TMEM117: variants seen among roughly 807,000 people sequenced by gnomAD.
The protein encoded by TMEM117 is transmembrane protein 117.
Under a neutral mutation model 52.4 loss-of-function variants are expected in TMEM117, and 27 were observed. The ratio of observed to expected loss-of-function variants is 0.51; its 90% CI spans 0.38 to 0.71. The LOEUF (loss-of-function observed/expected upper bound fraction) is 0.71, where lower values mean the gene tolerates loss of function less well. TMEM117 is among the 30% of genes least tolerant of loss of function. The pLI, the probability that TMEM117 is intolerant of heterozygous loss-of-function variation, is 0.00. For synonymous variants in TMEM117, 215 were observed against 206.3 expected (o/e 1.04, Z -0.36); for missense variants, 556 against 630.5 (o/e 0.88, Z 1.26).
chr12:44,032,601 C>T (rs914114648), intron 3 of TMEM117, among the ~76,000 whole-genome samples: 2 of 152,114 alleles, frequency 1.3e-5, no homozygotes, highest in Non-Finnish European at 2.9e-5. Context: ...ACTTATTTCA[C>T]TTTACTGTTG....
chr12:44,204,854 A>C (rs1949544089), intron 4 of TMEM117, among the ~76,000 whole-genome samples: 1 of 152,202 alleles, frequency 6.6e-6, no homozygotes, highest in Non-Finnish European at 1.5e-5. Context: ...AGCCATATGC[A>C]GAAGAATGGA....
chr12:44,138,671 C>G (rs1173036566), intron 3 of TMEM117, among the ~76,000 whole-genome samples: 1 of 152,144 alleles, frequency 6.6e-6, no homozygotes. Flanking sequence ...CAGGCTACAG[C>G]TAACAATTGT....
intron 3 of TMEM117, among the ~76,000 whole-genome samples, chr12:44,025,805 A>C (rs1208557864): frequency 6.6e-6 from 1 of 152,218 alleles, no homozygotes; most frequent in Admixed American, 6.5e-5. Context: ...TGTCAATTAC[A>C]TATGTGATAG....
chr12:44,182,158 C>A (rs1393664750), intron 4 of TMEM117, among the ~76,000 whole-genome samples: 2 of 152,058 alleles, frequency 1.3e-5, no homozygotes, highest in Non-Finnish European at 2.9e-5. Flanking sequence ...CTCTGTTTGT[C>A]TGTTGTTGGT....
At chr12:44,379,327 G>T (rs538202890) in intron 7 of TMEM117, among the ~76,000 whole-genome samples, 1 of 152,174 alleles carries the variant, frequency 6.6e-6, no homozygotes, top group East Asian at 1.9e-4. Flanking sequence ...CTGCACTCCA[G>T]CCTGGGCAAC....
intron 3 of TMEM117, among the ~76,000 whole-genome samples, chr12:44,027,659 T>C (rs1336420825): frequency 6.6e-6 from 1 of 152,168 alleles, no homozygotes; most frequent in Non-Finnish European, 1.5e-5. Flanking sequence ...GCACATGATG[T>C]CAGATGGTCA....
At chr12:44,117,821 G>A (rs1948171014) in intron 3 of TMEM117, among the ~76,000 whole-genome samples, 1 of 151,844 alleles carries the variant, frequency 6.6e-6, no homozygotes, top group African/African-American at 2.4e-5. Context: ...TCTCCTTTAA[G>A]TACCTCCTGC....
intron 3 of TMEM117, among the ~76,000 whole-genome samples, chr12:44,115,182 C>T (rs1033436171): frequency 6.6e-6 from 1 of 152,178 alleles, no homozygotes; most frequent in South Asian, 2.1e-4. Flanking sequence ...ATTCTCTGCA[C>T]TGTGTTTCAG....
intron 4 of TMEM117, among the ~76,000 whole-genome samples, chr12:44,207,836 G>A (rs1949590061): frequency 6.6e-6 from 1 of 151,790 alleles, no homozygotes; most frequent in Admixed American, 6.6e-5. Context: ...AATATATTTA[G>A]GGTTAGAACC....
intron 3 of TMEM117, among the ~76,000 whole-genome samples, chr12:44,118,369 C>T (rs1948180129): frequency 6.6e-6 from 1 of 152,036 alleles, no homozygotes; most frequent in Non-Finnish European, 1.5e-5. Flanking sequence ...GGTAGAAATC[C>T]ATTTCAGCTT....
chr12:44,054,080 CAT>C (rs2137933468), intron 3 of TMEM117, among the ~76,000 whole-genome samples: 1 of 152,214 alleles, frequency 6.6e-6, no homozygotes, highest in African/African-American at 2.4e-5. Flanking sequence ...TAACTAGTGA[CAT>C]ATTTTTAATG....
At chr12:44,184,868 T>C (rs1949254742) in intron 4 of TMEM117, among the ~76,000 whole-genome samples, 1 of 152,212 alleles carries the variant, frequency 6.6e-6, no homozygotes, top group Non-Finnish European at 1.5e-5. Flanking sequence ...CCAGGAACAA[T>C]AGAAAACTAA....
intron 3 of TMEM117, among the ~76,000 whole-genome samples, chr12:44,045,254 C>T (rs568513020): frequency 6.6e-6 from 1 of 152,326 alleles, no homozygotes; most frequent in African/African-American, 2.4e-5. Flanking sequence ...GTTACAGCCA[C>T]TGCTGAGTGC....
chr12:43,809,865 C>T, the TMEM117 span, among the ~76,000 whole-genome samples: 1 of 152,096 alleles, frequency 6.6e-6, no homozygotes, highest in African/African-American at 2.4e-5. Flanking sequence ...AAACACCTGA[C>T]AAGATTGCTA....
At chr12:44,056,417 T>A (rs976831206) in intron 3 of TMEM117, among the ~76,000 whole-genome samples, 2 of 152,212 alleles carry the variant, frequency 1.3e-5, no homozygotes, top group African/African-American at 4.8e-5. Flanking sequence ...ATAAAAACTT[T>A]CTCATTTGTC....
chr12:43,972,922 A>G (rs1945614834), intron 3 of TMEM117, among the ~76,000 whole-genome samples: 1 of 152,172 alleles, frequency 6.6e-6, no homozygotes. Context: ...GACCAAGAGC[A>G]TGCTTCTGTG....
intron 5 of TMEM117, among the ~76,000 whole-genome samples, chr12:44,239,773 A>C (rs901524480): frequency 1.2e-4 from 18 of 152,122 alleles, no homozygotes; most frequent in African/African-American, 3.6e-4. Flanking sequence ...ATATGCCCAC[A>C]TGCACACATA....
intron 4 of TMEM117, among the ~76,000 whole-genome samples, chr12:44,161,225 A>T (rs1261359734): frequency 6.6e-6 from 1 of 152,192 alleles, no homozygotes; most frequent in Admixed American, 6.5e-5. Context: ...TTTTTCTGAA[A>T]ATTTTTGCGT....
chr12:43,889,001 A>T (rs562200166), intron 2 of TMEM117, among the ~76,000 whole-genome samples: 9 of 152,134 alleles, frequency 5.9e-5, no homozygotes, highest in African/African-American at 1.9e-4. Flanking sequence ...TTTGTGGAAG[A>T]CAGTTTTTTC....
Sources: gnomAD v4.1 joint callset for allele counts (sites outside exome capture counted in the v4.1 genomes callset) on GRCh38, gnomAD v4.1.1 for gene constraint, MANE v1.5 for transcripts, NCBI Gene and HGNC (gene_info 2026-07-23, HGNC 2026-07-21) for gene names.